ABCD3: variants seen among roughly 807,000 people sequenced by gnomAD.
ABCD3 encodes ATP binding cassette subfamily D member 3, also known as ATP-binding cassette sub-family D member 3.
In ABCD3, 41 loss-of-function variants were observed where a neutral mutation model predicts 105.5. The ratio of observed to expected loss-of-function variants is 0.39; its 90% CI spans 0.30 to 0.50. The LOEUF (loss-of-function observed/expected upper bound fraction) is 0.50. Ranked by LOEUF, ABCD3 falls within the 20% of genes least tolerant of loss-of-function variation. The pLI is 0.84. For synonymous variants in ABCD3, 258 were observed against 269.0 expected, an observed-to-expected ratio of 0.96 and a Z score of 0.40; for missense variants, 622 against 806.3, an observed-to-expected ratio of 0.77 and a Z score of 2.77.
chr1:94,509,105 T>A (rs1211015053), intron 21 of ABCD3, among the ~76,000 whole-genome samples: 6 of 152,202 alleles, frequency 3.9e-5, no homozygotes, highest in Non-Finnish European at 1.5e-5. Flanking sequence ...CCATTCAGTA[T>A]GATATTGGCT....
At position 94,498,839 on chromosome 1, in the gene ABCD3, T is replaced by C; in HGVS notation, c.1521T>C (p.Tyr507=). Residue 507 remains tyrosine (Y), a synonymous_variant, in exon 18 of 23, where the codon TAT becomes TAC. Coordinates refer to ENST00000370214, the MANE Select transcript of ABCD3 (RefSeq NM_002858.4). ...AACCTGAAAGAGGAAAATTATTTTA[T>C]GTTCCTCAGGTAAGACCTAGCTTGA... The part of the protein sequence containing the change: ...LTKPERGKLF[Y]VPQRPYMTLG... 12 of 1,613,870 alleles carry C rather than the reference T, an allele frequency of 7.4e-6. No homozygotes were observed. The highest frequency in any genetic ancestry group is 1.0e-5 in the Non-Finnish European group (12 of 1,179,838).
the ABCD3 span, among the ~76,000 whole-genome samples, chr1:94,394,501 C>T: frequency 9.0e-3 from 1,368 of 152,342 alleles, 29 homozygotes; most frequent in African/African-American, 0.031. Context: ...CAAAAATCCA[C>T]ATTCATATTC....
intron 20 of ABCD3, among the ~76,000 whole-genome samples, chr1:94,500,732 A>C (rs1557689165): frequency 6.6e-6 from 1 of 152,102 alleles, no homozygotes; most frequent in South Asian, 2.1e-4. Context: ...GTTTTTCCCA[A>C]AATCATACCC....
the ABCD3 span, among the ~76,000 whole-genome samples, chr1:94,388,380 C>A: frequency 5.9e-3 from 631 of 107,624 alleles, 1 homozygote; most frequent in African/African-American, 0.024. Flanking sequence ...GAGATTATCA[C>A]TTTATACCTT....
chr1:94,513,377 A>G (rs1650773606), intron 21 of ABCD3: 1 of 152,072 alleles, frequency 6.6e-6, no homozygotes, highest in Admixed American at 6.6e-5. Flanking sequence ...ATAAGACTGT[A>G]TAAATTCTAT....
chr1:94,494,499 A>C (rs956781488), intron 16 of ABCD3, among the ~76,000 whole-genome samples: 1 of 152,150 alleles, frequency 6.6e-6, no homozygotes, highest in Non-Finnish European at 1.5e-5. Flanking sequence ...TTCTATAATC[A>C]ACAAATGTTC....
intron 7 of ABCD3, among the ~76,000 whole-genome samples, chr1:94,476,211 A>T (rs1354956213): frequency 6.6e-6 from 1 of 152,138 alleles, no homozygotes; most frequent in African/African-American, 2.4e-5. Flanking sequence ...TCAGTTTTCT[A>T]ATTACTGTTT....
intron 1 of ABCD3, among the ~76,000 whole-genome samples, chr1:94,446,473 T>G (rs1164058873): frequency 6.6e-6 from 1 of 152,210 alleles, no homozygotes; most frequent in African/African-American, 2.4e-5. Flanking sequence ...GAAATTCAAA[T>G]TGTTACATCT....
intron 1 of ABCD3, among the ~76,000 whole-genome samples, chr1:94,426,306 C>T (rs1292532029): frequency 6.6e-6 from 1 of 152,030 alleles, no homozygotes; most frequent in African/African-American, 2.4e-5. Context: ...TTTATTTCTC[C>T]ACCTTTTAAA....
chr1:94,486,390 T>C lies in ABCD3; in HGVS notation c.898-1152T>C, dbSNP rs376791921. On this transcript the variant is annotated intron_variant, in intron 10 of 22. Transcript: ENST00000370214. The stretch of plus-strand genomic sequence containing the variant: ...TACTAGTTATGCTCTTTCATTAGAA[T>C]GTAAACTCCATAAATTCAGGGACCT... Among the ~76,000 whole-genome samples, 19 of 152,298 alleles carry C rather than the reference T, an allele frequency of 1.2e-4. No individual in the cohort carries two copies. In the South Asian group the frequency reaches 1.7e-3, roughly 13 times the overall value.
In ABCD3 at chr1:94,489,921, T is replaced by A. The variant is rs891756768; in HGVS notation, c.1268T>A (p.Val423Asp). 7 of 1,613,076 alleles carry A rather than the reference T, an allele frequency of 4.3e-6. No homozygotes were observed. The Admixed American group carries it at 6.7e-5, about 15-fold the overall frequency. ...ATTTAAGGTATTGAAGGAGTACAAG[T>A]CATTCCCTTGATACCTGGTGCTGGA... is the stretch of plus-strand genomic sequence containing the variant. ...QQEKGIEGVQVIPLIPGAGEI... is the reference protein window; with the variant it reads ...QQEKGIEGVQDIPLIPGAGEI... The change falls in exon 15 of 23, where the codon GTC (valine) becomes GAC (aspartate). Residue 423 changes from valine to aspartate, a missense_variant. Coordinates refer to ENST00000370214, the MANE Select transcript of ABCD3 (RefSeq NM_002858.4).
At position 94,438,295 on chromosome 1, in the gene ABCD3, CACACAT is replaced by C. The variant is rs1483385477; in HGVS notation, c.110+19713_110+19718del. On this transcript the variant is annotated intron_variant, in intron 1 of 22. Transcript: ENST00000370214. Reference sequence around the variant, plus strand: ...AGCAAGACTCCATCACACACACACACACACATACACACACACACACACACACACACA... The same window carrying C: ...AGCAAGACTCCATCACACACACACACACACACACACACACACACACACACA... Among the ~76,000 whole-genome samples, 390 of 113,584 alleles carry C rather than the reference CACACAT, an allele frequency of 3.4e-3. 5 individuals are homozygous for C. The highest frequency in any genetic ancestry group is 6.0e-3 in the African/African-American group (166 of 27,702). The allele number at this position is 113,584 out of a possible 152,430, so 74.5% of individuals were successfully genotyped here.
chr1:94,476,634 A>T (rs1648756967), intron 7 of ABCD3, among the ~76,000 whole-genome samples: 2 of 152,222 alleles, frequency 1.3e-5, no homozygotes, highest in South Asian at 4.1e-4. Flanking sequence ...CATTGTAAGA[A>T]TAGGAATGTT....
chr1:94,438,301 TAC>T (rs58959540), intron 1 of ABCD3, among the ~76,000 whole-genome samples: 17,674 of 128,066 alleles, frequency 0.14, 1,133 homozygotes, highest in Middle Eastern at 0.17. Context: ...CACACACACA[TAC>T]ACACACACAC....
chr1:94,392,793 T>G, the ABCD3 span, among the ~76,000 whole-genome samples: 3 of 152,122 alleles, frequency 2.0e-5, no homozygotes, highest in East Asian at 3.9e-4. Context: ...TGTGACCTTT[T>G]TTTAAAGAAA....
the ABCD3 span, among the ~76,000 whole-genome samples, chr1:94,405,009 A>G: frequency 6.6e-6 from 1 of 151,478 alleles, no homozygotes; most frequent in Admixed American, 6.6e-5. Flanking sequence ...GTAGCTGCAT[A>G]GAACTCATTA....
intron 1 of ABCD3, among the ~76,000 whole-genome samples, chr1:94,444,835 C>T (rs1570753113): frequency 2.6e-5 from 4 of 152,162 alleles, no homozygotes; most frequent in African/African-American, 9.7e-5. Flanking sequence ...GCCCCTAAAA[C>T]TGGCCATAAA....
At chr1:94,406,583 G>A in the ABCD3 span, 3 of 323,408 alleles carry the variant, frequency 9.3e-6, no homozygotes, top group Non-Finnish European at 1.8e-5. Context: ...AGCTCTTAGA[G>A]TATGTAATGA....
At chr1:94,463,321 G>T (rs1286065744) in intron 2 of ABCD3, among the ~76,000 whole-genome samples, 1 of 152,088 alleles carries the variant, frequency 6.6e-6, no homozygotes, top group Non-Finnish European at 1.5e-5. Flanking sequence ...CTACAGTTCT[G>T]CACTGCACTC....
Sources: allele counts gnomAD v4.1 joint callset (sites outside exome capture counted in the v4.1 genomes callset), GRCh38; gene constraint gnomAD v4.1.1; transcripts MANE v1.5; gene names NCBI Gene and HGNC (gene_info 2026-07-23, HGNC 2026-07-21).